Variants in ATXN1 observed in about 807,000 individuals in gnomAD.
The protein encoded by ATXN1 is ataxin-1.
ATXN1 carries 8 observed loss-of-function variants against 56.4 expected under a neutral mutation model. The ratio of observed to expected loss-of-function variants is 0.14; its 90% CI spans 0.08 to 0.26. The LOEUF is 0.26. Ranked by LOEUF, ATXN1 falls within the 10% of genes least tolerant of loss-of-function variation. The pLI is 1.00. For missense variants in ATXN1, 987 were observed against 1,106.5 expected (o/e 0.89, Z 1.53); for synonymous variants, 514 against 494.6 (o/e 1.04, Z -0.52).
intron 3 of ATXN1, among the ~76,000 whole-genome samples, chr6:16,610,840 A>C (rs970363531): frequency 6.7e-6 from 1 of 148,602 alleles, no homozygotes; most frequent in South Asian, 2.2e-4. Flanking sequence ...CCGGGACAAC[A>C]CATCGAGACG....
At chr6:16,674,886 G>A (rs965757052) in intron 2 of ATXN1, among the ~76,000 whole-genome samples, 4 of 152,136 alleles carry the variant, frequency 2.6e-5, no homozygotes, top group Admixed American at 2.6e-4. Flanking sequence ...GCAAGTTTTT[G>A]CCAAGAACAT....
At chr6:16,417,025 A>G (rs1035276773) in intron 6 of ATXN1, among the ~76,000 whole-genome samples, 2 of 152,102 alleles carry the variant, frequency 1.3e-5, no homozygotes, top group African/African-American at 4.8e-5. Flanking sequence ...AACTTCCCCT[A>G]AGATATTATT....
intron 4 of ATXN1, among the ~76,000 whole-genome samples, chr6:16,565,893 G>A (rs1293943979): frequency 6.6e-6 from 1 of 152,140 alleles, no homozygotes; most frequent in Non-Finnish European, 1.5e-5. Flanking sequence ...ACTGAGGAAA[G>A]CACATCCGGC....
intron 3 of ATXN1, among the ~76,000 whole-genome samples, chr6:16,630,957 T>A (rs1429054311): frequency 6.6e-6 from 1 of 152,176 alleles, no homozygotes; most frequent in Admixed American, 6.5e-5. Context: ...TTCAGGGATG[T>A]CTCTTTGTTG....
chr6:16,629,964 C>T (rs184117167), intron 3 of ATXN1, among the ~76,000 whole-genome samples: 127 of 152,102 alleles, frequency 8.3e-4, no homozygotes, highest in Middle Eastern at 3.4e-3. Context: ...TTCTTAGAGT[C>T]TGTATAACCT....
chr6:16,360,136 C>T (rs1396371555), intron 6 of ATXN1, among the ~76,000 whole-genome samples: 1 of 152,102 alleles, frequency 6.6e-6, no homozygotes, highest in Non-Finnish European at 1.5e-5. Context: ...AGCAGAGAAA[C>T]AGAAAGACTA....
chr6:16,509,313 C>T (rs550412841), intron 5 of ATXN1, among the ~76,000 whole-genome samples: 1 of 152,318 alleles, frequency 6.6e-6, no homozygotes, highest in East Asian at 1.9e-4. Context: ...CCTGGCCTCC[C>T]TGTTTTTCTT....
chr6:16,306,537 G>A lies in ATXN1; in HGVS notation c.2240C>T (p.Pro747Leu). 1 of 1,614,140 alleles carries A rather than the reference G, an allele frequency of 6.2e-7. No individual in the cohort carries two copies. The highest frequency in any genetic ancestry group is 8.5e-7 in the Non-Finnish European group (1 of 1,180,026). Residue 747 changes from proline to leucine, a missense_variant, in exon 8 of 8, where the codon CCA becomes CTA. Physicochemically the swap from Pro to Leu is moderately conservative, Grantham distance 98 (BLOSUM62 -3). Transcript: ENST00000436367. This position sits in a 1 kb window ranked among gnomAD's most constrained non-coding sequence, Gnocchi z 5.2. ...CGCTGCAGGCAATCCCATTTTCTCT[G>A]GAAACTTCAGTTCGCCATTCTCAGA... ...MLSENGELKFPEKMGLPAAPF... is the reference protein window; with the variant it reads ...MLSENGELKFLEKMGLPAAPF...
intron 4 of ATXN1, among the ~76,000 whole-genome samples, chr6:16,528,748 G>GTA (rs1157545393): frequency 6.6e-6 from 1 of 152,148 alleles, no homozygotes; most frequent in Admixed American, 6.5e-5. Flanking sequence ...CTCAAGAAAA[G>GTA]TAACCTAACC....
At chr6:16,474,547 G>C (rs777127581) in intron 6 of ATXN1, among the ~76,000 whole-genome samples, 14 of 152,228 alleles carry the variant, frequency 9.2e-5, no homozygotes, top group Non-Finnish European at 2.1e-4. Flanking sequence ...TCATAAGATT[G>C]TGGTCTTGGC....
chr6:16,559,255 CA>C (rs2113736723), intron 4 of ATXN1, among the ~76,000 whole-genome samples: 2 of 152,006 alleles, frequency 1.3e-5, no homozygotes, highest in South Asian at 4.2e-4. Context: ...CCTTTTGATC[CA>C]ACAATTCCCC....
intron 2 of ATXN1, among the ~76,000 whole-genome samples, chr6:16,726,833 G>T (rs551064656): frequency 6.5e-4 from 99 of 152,254 alleles, no homozygotes; most frequent in Non-Finnish European, 1.2e-3. Context: ...ACTCCAGCCT[G>T]GGCGACAAGA....
intron 3 of ATXN1, among the ~76,000 whole-genome samples, chr6:16,594,133 A>G (rs1307397013): frequency 7.0e-6 from 1 of 142,220 alleles, no homozygotes; most frequent in East Asian, 2.0e-4. Context: ...TATATATATT[A>G]GTCTAATTGT....
At chr6:16,700,422 C>T (rs923138116) in intron 2 of ATXN1, among the ~76,000 whole-genome samples, 1 of 152,162 alleles carries the variant, frequency 6.6e-6, no homozygotes, top group Non-Finnish European at 1.5e-5. Context: ...CGACCCCTTA[C>T]GGCCATTCCT....
At chr6:16,558,794 A>C (rs1762062438) in intron 4 of ATXN1, among the ~76,000 whole-genome samples, 1 of 152,234 alleles carries the variant, frequency 6.6e-6, no homozygotes, top group Admixed American at 6.5e-5. Flanking sequence ...CTGATAAATA[A>C]GATGACTTTA....
At chr6:16,692,835 C>T (rs538715711) in intron 2 of ATXN1, among the ~76,000 whole-genome samples, 8 of 152,166 alleles carry the variant, frequency 5.3e-5, no homozygotes, top group Admixed American at 3.9e-4. Context: ...CTCAAATTGG[C>T]AGATCTGGGT....
intron 6 of ATXN1, among the ~76,000 whole-genome samples, chr6:16,422,769 T>C (rs2113568320): frequency 6.6e-6 from 1 of 152,304 alleles, no homozygotes; most frequent in Non-Finnish European, 1.5e-5. Flanking sequence ...AATGGATACA[T>C]GACAACCAGG....
intron 3 of ATXN1, among the ~76,000 whole-genome samples, chr6:16,623,021 C>A (rs1340630987): frequency 6.6e-6 from 1 of 152,026 alleles, no homozygotes; most frequent in African/African-American, 2.4e-5. Context: ...CTATATTGCT[C>A]CTATATAGTT....
intron 1 of ATXN1, among the ~76,000 whole-genome samples, chr6:16,754,312 C>T (rs914400503): frequency 1.3e-5 from 2 of 152,176 alleles, no homozygotes; most frequent in African/African-American, 4.8e-5. Context: ...AGCTGATCTG[C>T]ACATTTGCTT....
Sources: allele counts gnomAD v4.1 joint callset (sites outside exome capture counted in the v4.1 genomes callset), GRCh38; gene constraint gnomAD v4.1.1; non-coding constraint Gnocchi (gnomAD v3.1); transcripts MANE v1.5; gene names NCBI Gene and HGNC (gene_info 2026-07-23, HGNC 2026-07-21).